Variants in FBXW12 observed in about 807,000 individuals in gnomAD.
FBXW12 encodes F-box/WD repeat-containing protein 12.
Under a neutral mutation model 55.3 loss-of-function variants are expected in FBXW12, and 43 were observed. That is an observed-to-expected ratio of 0.78 (90% CI 0.61 to 1.00). FBXW12 has a LOEUF of 1.00. FBXW12 is among the 50% of genes least tolerant of loss of function. The pLI, the probability that FBXW12 is intolerant of heterozygous loss-of-function variation, is 0.00. For missense variants in FBXW12, 524 were observed against 560.5 expected (o/e 0.93, Z 0.66); for synonymous variants, 184 against 203.8 (o/e 0.90, Z 0.83).
At chr3:48,374,718 G>A (rs1052894864) in intron 4 of FBXW12, among the ~76,000 whole-genome samples, 1 of 150,666 alleles carries the variant, frequency 6.6e-6, no homozygotes, top group East Asian at 2.0e-4. Context: ...CTCCCACCTC[G>A]GCCTCACAGG....
chr3:48,392,450 CAAAAAAAAA>C (rs33965777), intron 10 of FBXW12, among the ~76,000 whole-genome samples: 1 of 72,678 alleles, frequency 1.4e-5, no homozygotes, highest in Non-Finnish European at 2.5e-5. Context: ...CACTCAGTCT[CAAAAAAAAA>C]AAAAAAAAAA....
chr3:48,385,967 C>A (rs2036842513), intron 10 of FBXW12, among the ~76,000 whole-genome samples: 1 of 152,130 alleles, frequency 6.6e-6, no homozygotes, highest in African/African-American at 2.4e-5. Context: ...CATAGATTGT[C>A]TCTTTGATCT....
At chr3:48,394,435 A>C in intron 10 of FBXW12, 125 bp from the exon 11 acceptor site, 1 of 616,978 alleles carries the variant, frequency 1.6e-6, no homozygotes, top group Non-Finnish European at 2.9e-6. Flanking sequence ...AACCAAATCT[A>C]AGAGCACGAA....
At chr3:48,373,755 T>C in intron 4 of FBXW12, 50 bp downstream of exon 4, 11 of 1,528,762 alleles carry the variant, frequency 7.2e-6, no homozygotes, top group Non-Finnish European at 9.0e-6. Context: ...TTTTCAGAGG[T>C]CCACTCTATT....
chr3:48,374,148 C>A (rs987482514), intron 4 of FBXW12, among the ~76,000 whole-genome samples: 1 of 151,976 alleles, frequency 6.6e-6, no homozygotes, highest in Non-Finnish European at 1.5e-5. Context: ...GTGAGACCCC[C>A]CCTCCATCTC....
At chr3:48,391,749 T>G (rs113002061) in intron 10 of FBXW12, among the ~76,000 whole-genome samples, 7,401 of 152,252 alleles carry the variant, frequency 0.049, 553 homozygotes, top group African/African-American at 0.16. Context: ...GATGATCATA[T>G]GGTTTTTTGT....
At chr3:48,388,818 C>T (rs190388886) in intron 10 of FBXW12, among the ~76,000 whole-genome samples, 36 of 152,264 alleles carry the variant, frequency 2.4e-4, no homozygotes, top group African/African-American at 8.2e-4. Context: ...ATGATCAAAT[C>T]GGGCTAATTA....
In FBXW12 at chr3:48,386,180, AGAAAAAG is replaced by A. The variant is rs1266077633; in HGVS notation, c.1295+4096_1295+4102del. 5.3e-3 allele frequency among the ~76,000 whole-genome samples: 807 copies of A among 152,310 alleles called. 5 individuals are homozygous for A. Among genetic ancestry groups the A allele is most frequent in the African/African-American group, 0.019 (772 of 41,570 alleles). ...CATTTTGAGTTTTGTATGTGATGTG[AGAAAAAG>A]TCCCAACTTTTTTTCTTTTCATGTG... On this transcript the variant is annotated intron_variant, in intron 10 of 10. Transcript: ENST00000296438.
rs375801466 is a variant in FBXW12 at position 48,378,448 on chromosome 3, C to T, written c.537C>T (p.Asp179=). The change falls in exon 6 of 11, where the codon GAC becomes GAT. Residue 179 remains aspartate, a synonymous_variant. Transcript: ENST00000296438. ...TIKVWNCQDR[D]ALAVLPMPQP... is the part of the protein sequence containing the mutation. ...AAGTGTGGAACTGTCAGGACAGGGA[C>T]GCTCTGGCTGTTCTCCCCATGCCAC... 5.1e-5 allele frequency: 82 copies of T among 1,613,886 alleles called. 1 individual carries two copies. Among genetic ancestry groups the T allele is most frequent in the African/African-American group, 4.7e-4 (35 of 74,852 alleles).
chr3:48,372,942 G>A (rs1210450764), intron 2 of FBXW12, 85 bp downstream of exon 2: 5 of 1,256,850 alleles, frequency 4.0e-6, no homozygotes, highest in South Asian at 2.4e-5. Context: ...ATAGCAGAGG[G>A]TTACACTGAG....
At chr3:48,392,608 A>G (rs558994422) in intron 10 of FBXW12, among the ~76,000 whole-genome samples, 4 of 152,254 alleles carry the variant, frequency 2.6e-5, no homozygotes, top group Non-Finnish European at 5.9e-5. Context: ...GTCCTTCTAC[A>G]CTGTGTGCTT....
At chr3:48,389,537 C>T (rs2036892309) in intron 10 of FBXW12, among the ~76,000 whole-genome samples, 1 of 152,078 alleles carries the variant, frequency 6.6e-6, no homozygotes, top group Non-Finnish European at 1.5e-5. Context: ...TGTCACCACA[C>T]CTAGCTAATT....
Position 48,380,775 on chromosome 3 carries a change from T to A in FBXW12, c.848T>A (p.Leu283Ter). The A allele has an allele frequency of 2.5e-6, 4 of 1,614,106 alleles. No homozygotes were observed. The highest frequency in any genetic ancestry group is 3.4e-6 in the Non-Finnish European group (4 of 1,179,990). Residue 283 changes from leucine to a stop codon, truncating the protein, a stop_gained, in exon 8 of 11, where the codon TTA (leucine) becomes TAA (stop). Coordinates refer to ENST00000296438, the MANE Select transcript of FBXW12 (RefSeq NM_207102.2). LOFTEE classifies it high-confidence loss of function. The stretch of plus-strand genomic sequence containing the variant: ...CTGTCTACCTTTCTCCCACATAAAT[T>A]ATGTGCCAGCGCCTGCTGGACCCCA... Reference protein sequence around the residue: ...VPLSTFLPHKLCASACWTPKV... With the variant: ...VPLSTFLPHK
chr3:48,381,183 C>T (rs1267465524), intron 8 of FBXW12, among the ~76,000 whole-genome samples: 9 of 152,056 alleles, frequency 5.9e-5, no homozygotes, highest in East Asian at 3.9e-4. Context: ...CCACCATACC[C>T]GGCTAATTTT....
chr3:48,391,948 C>T (rs970463254), intron 10 of FBXW12, among the ~76,000 whole-genome samples: 1 of 152,068 alleles, frequency 6.6e-6, no homozygotes, highest in African/African-American at 2.4e-5. Context: ...CTGTAGTTTT[C>T]CTTTTTCATT....
At chr3:48,381,022 G>GTT (rs11378351) in intron 8 of FBXW12, 110 bp downstream of exon 8, 25,495 of 561,356 alleles carry the variant, frequency 0.045, 5 homozygotes, top group South Asian at 0.075. Context: ...GGGATTTCTA[G>GTT]TTTTTTTTTT....
At chr3:48,378,782 T>C (rs890589972) in intron 6 of FBXW12, among the ~76,000 whole-genome samples, 10 of 151,988 alleles carry the variant, frequency 6.6e-5, no homozygotes, top group Admixed American at 5.9e-4. Context: ...GCCTGGCTAA[T>C]TTTTTGTATT....
At chr3:48,381,603 G>A in intron 8 of FBXW12, 97 bp from the exon 9 acceptor site, 1 of 1,348,268 alleles carries the variant, frequency 7.4e-7, no homozygotes, top group East Asian at 2.4e-5. Flanking sequence ...TGGGGACTAT[G>A]CTTTTTTATT....
chr3:48,373,169 A>G, intron 2 of FBXW12, 139 bp from the exon 3 acceptor site: 3 of 1,284,784 alleles, frequency 2.3e-6, no homozygotes, highest in East Asian at 4.7e-5. Flanking sequence ...ATCTCCCCAC[A>G]CTGAGAGTGC....
Sources: allele counts gnomAD v4.1 joint callset (sites outside exome capture counted in the v4.1 genomes callset), GRCh38; gene constraint gnomAD v4.1.1; transcripts MANE v1.5; gene names NCBI Gene and HGNC (gene_info 2026-07-23, HGNC 2026-07-21).